The following MAPK10 variants were observed in gnomAD, a reference collection of about 807,000 sequenced individuals.
MAPK10 encodes JNK3 alpha protein kinase.
In MAPK10, 25 loss-of-function variants were observed where a neutral mutation model predicts 59.3. That is an observed-to-expected ratio of 0.42 (90% CI 0.31 to 0.59). The LOEUF is 0.59. Ranked by LOEUF, MAPK10 falls within the 20% of genes least tolerant of loss-of-function variation. The pLI is 0.15. For missense variants in MAPK10, 351 were observed against 568.9 expected (o/e 0.62, Z 3.90); for synonymous variants, 190 against 200.5 (o/e 0.95, Z 0.44).
intron 2 of MAPK10, among the ~76,000 whole-genome samples, chr4:86,311,359 A>T (rs1262302654): frequency 2.0e-5 from 3 of 152,044 alleles, no homozygotes; most frequent in Admixed American, 6.6e-5. Context: ...TTCCATCATG[A>T]CTATATAAAC....
chr4:86,371,214 T>C (rs992616501), intron 1 of MAPK10, among the ~76,000 whole-genome samples: 2 of 80,054 alleles, frequency 2.5e-5, no homozygotes, highest in Admixed American at 2.8e-4. Context: ...ATCACAAATG[T>C]CATCATTAAT....
At chr4:86,286,593 A>C (rs751515177) in intron 2 of MAPK10, among the ~76,000 whole-genome samples, 3 of 152,166 alleles carry the variant, frequency 2.0e-5, no homozygotes, top group Non-Finnish European at 4.4e-5. Flanking sequence ...GAAGTGAGGA[A>C]ACTTGTCCAA....
At chr4:86,451,922 A>G (rs1235496569) in intron 1 of MAPK10, among the ~76,000 whole-genome samples, 1 of 152,196 alleles carries the variant, frequency 6.6e-6, no homozygotes, top group Non-Finnish European at 1.5e-5. Context: ...GTGCACAAAG[A>G]TGGAAGAGAA....
chr4:86,376,230 C>G (rs1300418621), intron 1 of MAPK10, among the ~76,000 whole-genome samples: 1 of 152,134 alleles, frequency 6.6e-6, no homozygotes, highest in East Asian at 1.9e-4. Flanking sequence ...TTTCTTCTCC[C>G]CACTCAAAAG....
intron 2 of MAPK10, among the ~76,000 whole-genome samples, chr4:86,318,580 A>G (rs537807117): frequency 1.3e-5 from 2 of 152,138 alleles, no homozygotes; most frequent in Non-Finnish European, 2.9e-5. Context: ...AAAGTCACAC[A>G]GTGGAAAAAG....
intron 2 of MAPK10, among the ~76,000 whole-genome samples, chr4:86,307,061 T>C (rs1483270012): frequency 6.6e-5 from 10 of 151,848 alleles, no homozygotes; most frequent in Non-Finnish European, 1.3e-4. Context: ...GAAGCATAAC[T>C]AGGGTGATAT....
intron 2 of MAPK10, among the ~76,000 whole-genome samples, chr4:86,297,712 A>G (rs1277059906): frequency 6.6e-6 from 1 of 150,534 alleles, no homozygotes; most frequent in Non-Finnish European, 1.5e-5. Flanking sequence ...ACAGTATTCA[A>G]TGTTATTACC....
intron 2 of MAPK10, among the ~76,000 whole-genome samples, chr4:86,338,258 C>G (rs1043335461): frequency 6.6e-6 from 1 of 152,174 alleles, no homozygotes; most frequent in African/African-American, 2.4e-5. Flanking sequence ...GCATCTAGGT[C>G]GTTGTCCAAA....
intron 1 of MAPK10, among the ~76,000 whole-genome samples, chr4:86,531,047 G>A (rs78789085): frequency 2.0e-5 from 3 of 152,154 alleles, no homozygotes; most frequent in African/African-American, 4.8e-5. Context: ...GTGGGGAGCT[G>A]GATGATCTCC....
chr4:86,268,840 G>T (rs1349781704), intron 2 of MAPK10, among the ~76,000 whole-genome samples: 2 of 152,074 alleles, frequency 1.3e-5, no homozygotes, highest in African/African-American at 4.8e-5. Flanking sequence ...GTATCAGTAT[G>T]TGAATGAATG....
chr4:86,036,276 G>A (rs1301041535), intron 11 of MAPK10, among the ~76,000 whole-genome samples: 4 of 152,052 alleles, frequency 2.6e-5, no homozygotes, highest in African/African-American at 9.7e-5. Context: ...GGTGGAGGAC[G>A]TTAATATGAG....
chr4:86,215,867 G>C (rs1002447827), intron 2 of MAPK10, among the ~76,000 whole-genome samples: 2 of 152,054 alleles, frequency 1.3e-5, no homozygotes, highest in East Asian at 3.9e-4. Context: ...ATCTCAAAAA[G>C]AAAAACTATT....
intron 2 of MAPK10, among the ~76,000 whole-genome samples, chr4:86,289,827 G>T (rs1372038793): frequency 2.0e-5 from 3 of 152,054 alleles, no homozygotes; most frequent in African/African-American, 7.2e-5. Context: ...AACAGGACTT[G>T]CCAATGGGTG....
intron 1 of MAPK10, among the ~76,000 whole-genome samples, chr4:86,471,328 TA>T (rs1376778438): frequency 7.5e-6 from 1 of 133,384 alleles, no homozygotes; most frequent in Non-Finnish European, 1.6e-5. Context: ...ACAATTGCAA[TA>T]AAAATGTGAT....
At chr4:86,139,910 C>A (rs1181905145) in intron 4 of MAPK10, among the ~76,000 whole-genome samples, 2 of 148,022 alleles carry the variant, frequency 1.4e-5, no homozygotes, top group Non-Finnish European at 3.0e-5. Context: ...GACATTTATG[C>A]AGCCAAAAGA....
chr4:86,415,866 T>C (rs1338808227), intron 1 of MAPK10, among the ~76,000 whole-genome samples: 4 of 152,302 alleles, frequency 2.6e-5, no homozygotes, highest in South Asian at 2.1e-4. Context: ...TGTACCTAAA[T>C]TGCATCTTAT....
intron 1 of MAPK10, among the ~76,000 whole-genome samples, chr4:86,393,822 C>A (rs1742549747): frequency 6.6e-6 from 1 of 152,194 alleles, no homozygotes; most frequent in Non-Finnish European, 1.5e-5. Context: ...AACTCTCTCC[C>A]TGACCTTGAG....
At chr4:86,203,219 T>G (rs2083041096) in intron 2 of MAPK10, among the ~76,000 whole-genome samples, 1 of 151,986 alleles carries the variant, frequency 6.6e-6, no homozygotes, top group African/African-American at 2.4e-5. Flanking sequence ...TGAGTTTCTC[T>G]TTATTATATG....
chr4:86,572,524 C>G (rs1215816589), intron 1 of MAPK10, among the ~76,000 whole-genome samples: 2 of 152,194 alleles, frequency 1.3e-5, no homozygotes, highest in Non-Finnish European at 2.9e-5. Context: ...TATATGCAAA[C>G]AGGGCAGAAA....
Sources: gnomAD v4.1 joint callset for allele counts (sites outside exome capture counted in the v4.1 genomes callset) on GRCh38, gnomAD v4.1.1 for gene constraint, MANE v1.5 for transcripts, NCBI Gene and HGNC (gene_info 2026-07-23, HGNC 2026-07-21) for gene names.